The following YLPM1 variants were observed in gnomAD, a reference collection of about 807,000 sequenced individuals.
YLPM1 encodes YLP motif-containing protein 1.
In YLPM1, 99 loss-of-function variants were observed where a neutral mutation model predicts 230.0. That is an observed-to-expected ratio of 0.43 (90% CI 0.37 to 0.51). The LOEUF (loss-of-function observed/expected upper bound fraction) is 0.51, where lower values mean the gene tolerates loss of function less well. YLPM1 is among the 20% of genes least tolerant of loss of function. The pLI is 0.00. For synonymous variants in YLPM1, 984 were observed against 942.5 expected (o/e 1.04, Z -0.81); for missense variants, 2,592 against 2,707.7 (o/e 0.96, Z 0.95).
intron 19 of YLPM1, 147 bp downstream of exon 19, chr14:74,829,490 C>A: frequency 8.6e-7 from 1 of 1,156,454 alleles, no homozygotes; most frequent in Non-Finnish European, 1.2e-6. Flanking sequence ...AGGAGTCATA[C>A]CTTATAAATT....
chr14:74,833,959 A>G (rs966423972), intron 19 of YLPM1, among the ~76,000 whole-genome samples: 2 of 152,214 alleles, frequency 1.3e-5, no homozygotes, highest in African/African-American at 4.8e-5. Flanking sequence ...GCAGTCTTTG[A>G]TACTGTGTAG....
intron 4 of YLPM1, among the ~76,000 whole-genome samples, chr14:74,785,885 G>A (rs1004179932): frequency 3.3e-5 from 5 of 152,150 alleles, no homozygotes; most frequent in African/African-American, 1.2e-4. Context: ...GAGCTGTTTT[G>A]ACACTGTGTA....
At position 74,797,630 on chromosome 14, in the gene YLPM1, C is replaced by A; in HGVS notation, c.2333C>A (p.Pro778Gln). 1.3e-6 allele frequency: 2 copies of A among 1,551,096 alleles called. No individual in the cohort carries two copies. The highest frequency in any genetic ancestry group is 2.1e-5 in the Admixed American group (1 of 46,986). ...GATTTAGGGTCAAGGTGTGAAGGAC[C>A]GAGACCCAAAGGGCCTCGTTTTGAA... The part of the protein sequence containing the change: ...FEDLGSRCEG[P>Q]RPKGPRFEGN... Residue 778 changes from proline (P) to glutamine (Q), a missense_variant, in exon 5 of 21, where the codon CCG (proline) becomes CAG (glutamine). Coordinates refer to ENST00000325680, the MANE Select transcript of YLPM1 (RefSeq NM_019589.3).
intron 4 of YLPM1, among the ~76,000 whole-genome samples, chr14:74,796,443 G>A (rs17782725): frequency 0.15 from 22,183 of 152,140 alleles, 1,764 homozygotes; most frequent in South Asian, 0.3. Flanking sequence ...CTTGATTTCA[G>A]AGAAGTTGTC....
chr14:74,780,659 A>G (rs2091083577), intron 3 of YLPM1, 75 bp downstream of exon 3: 1 of 1,501,240 alleles, frequency 6.7e-7, no homozygotes, highest in Middle Eastern at 1.8e-4. Flanking sequence ...GAAAGATTTA[A>G]GTGTAAAAAA....
Position 74,836,154 on chromosome 14 carries a change from C to G in YLPM1, c.*416C>G, listed in dbSNP as rs2091642438. 5.2e-6 allele frequency: 1 copy of G among 192,306 alleles called. No homozygotes were observed. The highest frequency in any genetic ancestry group is 1.1e-5 in the Non-Finnish European group (1 of 92,492). 11.9% of individuals were successfully genotyped at this position (192,306 alleles called of 1,614,324 possible). A position where few individuals can be genotyped will look rare whatever the true frequency, so the allele number is the denominator to read the frequency against. On this transcript the variant is annotated 3_prime_UTR_variant, in exon 21 of 21. Transcript: ENST00000325680. ...ACTAGGATTAAAAACAATAAACTTT[C>G]ATGATAAAGCCGATGAGATTCATGG... is the stretch of plus-strand genomic sequence containing the variant.
chr14:74,766,657 T>TG (rs71119327), intron 1 of YLPM1, among the ~76,000 whole-genome samples: 1 of 148,210 alleles, frequency 6.7e-6, no homozygotes, highest in African/African-American at 2.5e-5. Context: ...TTTTTTTTTT[T>TG]GGTAGAGACG....
intron 1 of YLPM1, 126 bp downstream of exon 1, chr14:74,764,488 C>T: frequency 7.9e-7 from 1 of 1,263,672 alleles, no homozygotes; most frequent in Non-Finnish European, 1.1e-6. Context: ...CCAAAGGATT[C>T]CGTAAGAGTC....
rs977354670 is a variant in YLPM1, at chr14:74,799,018, C to T, written c.3721C>T (p.Leu1241Phe). 1 of 1,613,900 alleles carries T rather than the reference C, an allele frequency of 6.2e-7. No homozygotes were observed. Among genetic ancestry groups the T allele is most frequent in the East Asian group, 2.2e-5 (1 of 44,878 alleles). ...TGACTATCAAGATGATACACTAGAGCTCTATAACAGAGAGGACAGGTTCTC... is the reference window on the plus strand; with the variant it reads ...TGACTATCAAGATGATACACTAGAGTTCTATAACAGAGAGGACAGGTTCTC... ...ERDYQDDTLE[L>F]YNREDRFSAP... Residue 1241 changes from leucine (L) to phenylalanine (F), a missense_variant, in exon 5 of 21, where the codon CTC becomes TTC. Physicochemically the swap from Leu to Phe is conservative, Grantham distance 22 (BLOSUM62 0). This residue lies in a region of YLPM1 where 1,862 missense variants were observed against 1,819.8 expected (regional missense o/e 1.02). Coordinates refer to ENST00000325680, the MANE Select transcript of YLPM1 (RefSeq NM_019589.3).
chr14:74,827,946 T>C lies in YLPM1; in HGVS notation c.6164-1267T>C, dbSNP rs937297379. The C allele has an allele frequency of 3.0e-6, 3 of 985,014 alleles. No individual in the cohort carries two copies. In the African/African-American group the frequency reaches 5.2e-5, roughly 17 times the overall value. The allele number at this position is 985,014 out of a possible 1,614,324, so 61.0% of individuals were successfully genotyped here. Reference sequence around the variant, plus strand: ...CATACATGTTAAAATTTTGCCAAAATGAGATGATTAAAATTTTTGTGAGTT... The same window carrying C: ...CATACATGTTAAAATTTTGCCAAAACGAGATGATTAAAATTTTTGTGAGTT... On this transcript the variant is annotated intron_variant, in intron 18 of 20. Transcript: ENST00000325680.
intron 1 of YLPM1, among the ~76,000 whole-genome samples, chr14:74,769,831 C>A (rs2090956478): frequency 6.7e-6 from 1 of 150,374 alleles, no homozygotes; most frequent in African/African-American, 2.5e-5. Flanking sequence ...TCAAGGCCAG[C>A]CTGGGCAACA....
chr14:74,805,122 C>T (rs1198220454), intron 6 of YLPM1, among the ~76,000 whole-genome samples: 5 of 150,798 alleles, frequency 3.3e-5, no homozygotes, highest in Non-Finnish European at 5.9e-5. Flanking sequence ...TGGGTTTAAG[C>T]GATTCTCCTG....
chr14:74,769,259 C>CTTTTTTTTTTTTTTTTTTTTTTTT (rs34023289), intron 1 of YLPM1, among the ~76,000 whole-genome samples: 2 of 38,400 alleles, frequency 5.2e-5, no homozygotes. Flanking sequence ...GTATTTTTAT[C>CTTTTTTTTTTTTTTTTTTTTTTTT]TTTTTTTTTT....
At chr14:74,778,152 C>G (rs568797857) in intron 1 of YLPM1, among the ~76,000 whole-genome samples, 3 of 152,116 alleles carry the variant, frequency 2.0e-5, no homozygotes, top group Non-Finnish European at 4.4e-5. Context: ...TTACCCTGAT[C>G]ATTTATCAAA....
rs369067457 is a variant in YLPM1 at position 74,804,233 on chromosome 14, C to G, written c.4521+1557C>G. Among the ~76,000 whole-genome samples, 9 of 152,330 alleles carry G rather than the reference C, an allele frequency of 5.9e-5. No homozygotes were observed. In the East Asian group the frequency reaches 1.4e-3, roughly 23 times the overall value. On this transcript the variant is annotated intron_variant, in intron 6 of 20. Coordinates refer to ENST00000325680, the MANE Select transcript of YLPM1 (RefSeq NM_019589.3). Reference sequence around the variant, plus strand: ...TGCCCTTTTGAGATTGGGACTACCCCTATACTCCACTTCAGGCAGCGTCGA... The same window carrying G: ...TGCCCTTTTGAGATTGGGACTACCCGTATACTCCACTTCAGGCAGCGTCGA...
At chr14:74,805,753 A>C (rs879656025) in intron 6 of YLPM1, among the ~76,000 whole-genome samples, 82 of 147,002 alleles carry the variant, frequency 5.6e-4, no homozygotes, top group Middle Eastern at 3.5e-3. Flanking sequence ...CCCAGGCTGG[A>C]GTGCAGTGGC....
At chr14:74,814,619 AATAATTTTT>A (rs1294170206) in intron 11 of YLPM1, among the ~76,000 whole-genome samples, 1 of 152,246 alleles carries the variant, frequency 6.6e-6, no homozygotes, top group Non-Finnish European at 1.5e-5. Context: ...CATGGTGTGT[AATAATTTTT>A]ATATGTTGCT....
rs2091446169 is a variant in YLPM1, at chr14:74,812,772, G to A, written c.5492G>A (p.Arg1831Lys). 1 of 1,613,334 alleles carries A rather than the reference G, an allele frequency of 6.2e-7. No individual in the cohort carries two copies. The highest frequency in any genetic ancestry group is 8.5e-7 in the Non-Finnish European group (1 of 1,179,664). ...DILKPPGRES[R>K]PERIVVIMRG... Reference sequence around the variant, plus strand: ...TTGAAACCACCGGGCCGGGAGAGCAGACCTGAGAGAGTGAGTCCTATGAAG... The same window carrying A: ...TTGAAACCACCGGGCCGGGAGAGCAAACCTGAGAGAGTGAGTCCTATGAAG... The change falls in exon 11 of 21, where the codon AGA (arginine) becomes AAA (lysine). Residue 1831 changes from arginine (R) to lysine (K), a missense_variant. This residue lies in a region of YLPM1 where 315 missense variants were observed against 429.3 expected (regional missense o/e 0.73). Transcript: ENST00000325680.
At chr14:74,804,814 A>C (rs1359468168) in intron 6 of YLPM1, among the ~76,000 whole-genome samples, 1 of 152,188 alleles carries the variant, frequency 6.6e-6, no homozygotes, top group East Asian at 1.9e-4. Context: ...CAGATTGTAC[A>C]TCCACATTTC....
Sources: allele counts gnomAD v4.1 joint callset (sites outside exome capture counted in the v4.1 genomes callset), GRCh38; gene constraint gnomAD v4.1.1; regional missense constraint gnomAD v4.1.1; transcripts MANE v1.5; gene names NCBI Gene and HGNC (gene_info 2026-07-23, HGNC 2026-07-21).